The following GOLGA3 variants were observed in gnomAD, a reference collection of about 807,000 sequenced individuals.
GOLGA3 encodes the protein golgin A3.
GOLGA3 carries 75 observed loss-of-function variants against 169.4 expected under a neutral mutation model. That is an observed-to-expected ratio of 0.44 (90% CI 0.37 to 0.54). The LOEUF is 0.54. Among genes scored for constraint, GOLGA3 ranks in the 20% least tolerant of loss-of-function variants. GOLGA3 has a pLI of 0.00. For synonymous variants in GOLGA3, 824 were observed against 822.4 expected (o/e 1.00, Z -0.03); for missense variants, 1,899 against 1,930.0 (o/e 0.98, Z 0.30).
intron 10 of GOLGA3, 41 bp from the exon 11 acceptor site, chr12:132,796,261 C>T: frequency 1.3e-6 from 2 of 1,544,208 alleles, no homozygotes; most frequent in South Asian, 1.2e-5. Context: ...GCCTGACCCT[C>T]CTCCGAGAGC....
chr12:132,772,973 A>G lies in GOLGA3; in HGVS notation c.*132T>C. ...GTCCTTGGCTCTCATTCTGCTATAT[A>G]TTTTACTTCTTGTTAAAGGCAAAAC... On this transcript the variant is annotated 3_prime_UTR_variant, in exon 24 of 24. Transcript: ENST00000450791. The G allele has an allele frequency of 3.1e-6, 2 of 649,358 alleles. No individual in the cohort carries two copies. Among genetic ancestry groups the G allele is most frequent in the Non-Finnish European group, 2.6e-6 (1 of 382,182 alleles). The allele number at this position is 649,358 out of a possible 1,614,324, so 40.2% of individuals were successfully genotyped here.
rs930114545 is a variant in GOLGA3, at chr12:132,786,357, G to C, written c.3105C>G (p.Asp1035Glu). The change falls in exon 15 of 24, where the codon GAC (aspartate) becomes GAG (glutamate). Residue 1035 changes from aspartate (D) to glutamate (E), a missense_variant. Transcript: ENST00000450791. ...TACCTACATGTAGAGCCAGGCTGCT[G>C]TCACTGCTGCCACCCTGGGCTCGGA... ...GQLRAQGGSS[D>E]SSLALHERIQ... The C allele has an allele frequency of 1.2e-6, 2 of 1,604,768 alleles. No individual in the cohort carries two copies. The highest frequency in any genetic ancestry group is 2.7e-5 in the African/African-American group (2 of 74,648).
intron 16 of GOLGA3, among the ~76,000 whole-genome samples, chr12:132,783,639 C>T (rs556183719): frequency 2.0e-5 from 3 of 152,172 alleles, no homozygotes; most frequent in Admixed American, 6.5e-5. Context: ...AGTGCAGTGG[C>T]GCGATCTTGG....
chr12:132,786,897 G>A (rs2045932996), intron 13 of GOLGA3, 110 bp from the exon 14 acceptor site: 1 of 739,440 alleles, frequency 1.4e-6, no homozygotes, highest in African/African-American at 1.8e-5. Flanking sequence ...GGCTCGCCCT[G>A]GAGGACTTGG....
intron 10 of GOLGA3, 117 bp downstream of exon 10, chr12:132,796,422 C>T (rs1948841416): frequency 3.9e-6 from 5 of 1,284,212 alleles, no homozygotes; most frequent in Non-Finnish European, 4.3e-6. Context: ...CAGCCCAACT[C>T]CCACCTGAGC....
intron 18 of GOLGA3, 101 bp downstream of exon 18, chr12:132,780,697 G>C: frequency 1.3e-6 from 1 of 767,572 alleles, no homozygotes; most frequent in Non-Finnish European, 2.3e-6. Flanking sequence ...TTTGCTCTGT[G>C]TAACTGCTGG....
chr12:132,781,209 C>T (rs1270073796), intron 17 of GOLGA3, among the ~76,000 whole-genome samples: 2 of 71,336 alleles, frequency 2.8e-5, no homozygotes, highest in East Asian at 3.0e-4. Context: ...ATGGTACCAC[C>T]GCAGTGCCCT....
chr12:132,798,416 G>A lies in GOLGA3; in HGVS notation c.1862C>T (p.Ser621Phe). The A allele has an allele frequency of 6.2e-7, 1 of 1,613,572 alleles. No individual in the cohort carries two copies. The highest frequency in any genetic ancestry group is 1.1e-5 in the South Asian group (1 of 91,066). The change falls in exon 9 of 24, where the codon TCC becomes TTC. Residue 621 changes from serine (S) to phenylalanine (F), a missense_variant. Coordinates refer to ENST00000450791, the MANE Select transcript of GOLGA3 (RefSeq NM_001389683.1). Reference protein sequence around the residue: ...EHLKLENVSLSQQLTETQHRS... With the variant: ...EHLKLENVSLFQQLTETQHRS... ...GTGCTGAGTTTCCGTCAGCTGCTGG[G>A]ACAGGGACACATTCTCGAGTTTCAG...
Position 132,796,025 on chromosome 12 carries a change from C to T in GOLGA3, c.2296G>A (p.Asp766Asn). The T allele has an allele frequency of 6.2e-7, 1 of 1,612,978 alleles. No individual in the cohort carries two copies. Among genetic ancestry groups the T allele is most frequent in the Non-Finnish European group, 8.5e-7 (1 of 1,180,026 alleles). Residue 766 changes from aspartate to asparagine, a missense_variant, in exon 11 of 24, where the codon GAC becomes AAC. Coordinates refer to ENST00000450791, the MANE Select transcript of GOLGA3 (RefSeq NM_001389683.1). ...ELQGEAASREDTICLLQNEKI... is the reference protein window; with the variant it reads ...ELQGEAASRENTICLLQNEKI... ...TCGTTCTGCAGGAGGCAGATCGTGTCCTCCCTGGAGGCGGCCTCGCCCTGC... is the reference window on the plus strand; with the variant it reads ...TCGTTCTGCAGGAGGCAGATCGTGTTCTCCCTGGAGGCGGCCTCGCCCTGC...
At chr12:132,811,035 G>A (rs942282772) in intron 4 of GOLGA3, among the ~76,000 whole-genome samples, 1 of 152,248 alleles carries the variant, frequency 6.6e-6, no homozygotes, top group Non-Finnish European at 1.5e-5. Flanking sequence ...TCAGCTGCCA[G>A]GCAGGGGAGG....
At chr12:132,779,160 A>T (rs2045410157) in intron 18 of GOLGA3, among the ~76,000 whole-genome samples, 1 of 152,028 alleles carries the variant, frequency 6.6e-6, no homozygotes, top group African/African-American at 2.4e-5. Context: ...GGCTCACCAC[A>T]ACCTCCGCCT....
chr12:132,787,042 C>T (rs544500402), intron 13 of GOLGA3, among the ~76,000 whole-genome samples: 249 of 152,152 alleles, frequency 1.6e-3, no homozygotes, highest in Middle Eastern at 3.4e-3. Flanking sequence ...CAACCTCCGC[C>T]TCCCAGGTTC....
intron 23 of GOLGA3, 135 bp from the exon 24 acceptor site, chr12:132,773,429 A>ACTTTTT: frequency 5.7e-6 from 3 of 527,102 alleles, no homozygotes. Context: ...AACTGAGACC[A>ACTTTTT]CAGAAGCTCA....
chr12:132,777,616 C>G lies in GOLGA3; in HGVS notation c.3722+50G>C. 6.2e-7 allele frequency: 1 copy of G among 1,604,856 alleles called. No individual in the cohort carries two copies. The highest frequency in any genetic ancestry group is 8.5e-7 in the Non-Finnish European group (1 of 1,174,204). On this transcript the variant is annotated intron_variant, in intron 19 of 23. Coordinates refer to ENST00000450791, the MANE Select transcript of GOLGA3 (RefSeq NM_001389683.1). This position sits in a 1 kb window ranked among gnomAD's most constrained non-coding sequence, Gnocchi z 4.7. ...GCTGAAGGTGTGAATTAGACCCCGC[C>G]CATTGCCAGGACAGCCATGTTTGAG...
rs1486805410 is a variant in GOLGA3, at chr12:132,804,503, GAGGAGGGCGTGGCGAGGACCAGTCAGGGA to G, written c.1597+184_1597+212del. ...TGCCGACAGAGCTGTCAGCACCAGG[GAGGAGGGCGTGGCGAGGACCAGTCAGGGA>G]AGGAGGGCGTGGCGGGGACCAGTCG... On this transcript the variant is annotated intron_variant, in intron 7 of 23. Transcript: ENST00000450791. The surrounding 1 kb of genome is among the most constrained non-coding windows in gnomAD (Gnocchi z 4.1). Among the ~76,000 whole-genome samples, 25 of 152,264 alleles carry G rather than the reference GAGGAGGGCGTGGCGAGGACCAGTCAGGGA, an allele frequency of 1.6e-4. No homozygotes were observed. The highest frequency in any genetic ancestry group is 5.3e-4 in the African/African-American group (22 of 41,560).
chr12:132,806,921 A>T lies in GOLGA3; in HGVS notation c.1290+256T>A, dbSNP rs2279315. 2.5e-3 allele frequency among the ~76,000 whole-genome samples: 375 copies of T among 152,300 alleles called. 13 individuals carry two copies. In the East Asian group the frequency reaches 0.067, roughly 27 times the overall value. ...GAGAATTTGACTCTTATGGACTGTGAGACACCTAACATCTAGCAAATATTC... is the reference window on the plus strand; with the variant it reads ...GAGAATTTGACTCTTATGGACTGTGTGACACCTAACATCTAGCAAATATTC... On this transcript the variant is annotated intron_variant, in intron 6 of 23. Transcript: ENST00000450791.
At chr12:132,783,885 T>C in intron 16 of GOLGA3, 1 of 1,424,936 alleles carries the variant, frequency 7.0e-7, no homozygotes. Flanking sequence ...AAGTTGGGTT[T>C]CTTATTTGCA....
At position 132,773,306 on chromosome 12, in the gene GOLGA3, GA is replaced by G; in HGVS notation, c.4308-13del. 9.5e-6 allele frequency: 13 copies of G among 1,368,106 alleles called. No individual in the cohort carries two copies. The highest frequency in any genetic ancestry group is 4.7e-5 in the South Asian group (3 of 63,432). 84.7% of individuals were successfully genotyped at this position (1,368,106 alleles called of 1,614,324 possible). ...TGTCCATCTCCTGCCTGGGACAGAA[GA>G]AGGAGGAAGAAGGCCCAGATCACAC... On this transcript the variant is annotated splice_polypyrimidine_tract_variant and intron_variant, in intron 23 of 23. Coordinates refer to ENST00000450791, the MANE Select transcript of GOLGA3 (RefSeq NM_001389683.1).
rs1184532358 is a variant in GOLGA3 at position 132,772,642 on chromosome 12, A to G, written c.*463T>C. On this transcript the variant is annotated 3_prime_UTR_variant, in exon 24 of 24. Coordinates refer to ENST00000450791, the MANE Select transcript of GOLGA3 (RefSeq NM_001389683.1). ...TGGCTATCCAAAAAAACAAGTAAAAAGCCAAAGGTACAGATAAAATTTCAT... is the reference window on the plus strand; with the variant it reads ...TGGCTATCCAAAAAAACAAGTAAAAGGCCAAAGGTACAGATAAAATTTCAT... 6.5e-6 allele frequency: 1 copy of G among 153,670 alleles called. No homozygotes were observed. The highest frequency in any genetic ancestry group is 1.9e-4 in the East Asian group (1 of 5,234). The allele number at this position is 153,670 out of a possible 1,614,324, so 9.5% of individuals were successfully genotyped here.
Sources: gnomAD v4.1 joint callset for allele counts (sites outside exome capture counted in the v4.1 genomes callset) on GRCh38, gnomAD v4.1.1 for gene constraint, Gnocchi (gnomAD v3.1) non-coding constraint, MANE v1.5 for transcripts, NCBI Gene and HGNC (gene_info 2026-07-23, HGNC 2026-07-21) for gene names.